Variants in RNASE11 observed in about 807,000 individuals in gnomAD.
RNASE11 encodes the protein putative inactive ribonuclease 11.
For missense variants in RNASE11, 252 were observed against 237.8 expected (o/e 1.06, Z -0.39); for synonymous variants, 105 against 86.1 (o/e 1.22, Z -1.21).
chr14:20,584,420 A>T (rs1884388960), exon 2 of RNASE11: 1 of 1,613,022 alleles, frequency 6.2e-7, no homozygotes, highest in South Asian at 1.1e-5. Context: ...GTGCTTTCTG[A>T]TGCTTCTGCA....
exon 2 of RNASE11, chr14:20,583,704 A>T: frequency 1.7e-6 from 1 of 587,342 alleles, no homozygotes; most frequent in South Asian, 2.7e-5. Flanking sequence ...TATCAGTCAT[A>T]ACTTTTAATT....
upstream of RNASE11, chr14:20,587,769 G>A (rs771514950): frequency 1.2e-5 from 12 of 985,474 alleles, no homozygotes; most frequent in African/African-American, 1.7e-5. Context: ...CTTCACTTAC[G>A]ATTATCCCCC....
chr14:20,590,195 T>A (rs1884537712), upstream of RNASE11: 17 of 1,540,648 alleles, frequency 1.1e-5, no homozygotes, highest in African/African-American at 1.4e-5. Flanking sequence ...CATTGCCCCA[T>A]GTCCACGGTC....
chr14:20,586,802 C>A (rs1473279044), intron 1 of RNASE11, among the ~76,000 whole-genome samples: 1 of 152,170 alleles, frequency 6.6e-6, no homozygotes, highest in Non-Finnish European at 1.5e-5. Flanking sequence ...TTCAAGTGGG[C>A]AGCATTCACA....
At chr14:20,588,600 C>G (rs1387243404), upstream of RNASE11, among the ~76,000 whole-genome samples, 1 of 152,046 alleles carries the variant, frequency 6.6e-6, no homozygotes, top group Non-Finnish European at 1.5e-5. Context: ...CAGATGCTGC[C>G]TGAGTTGTAT....
chr14:20,586,747 G>A (rs1252287698), intron 1 of RNASE11, among the ~76,000 whole-genome samples: 1 of 152,208 alleles, frequency 6.6e-6, no homozygotes, highest in Admixed American at 6.5e-5. Context: ...AGATAAACAG[G>A]AAGAAGAGCA....
upstream of RNASE11, among the ~76,000 whole-genome samples, chr14:20,589,979 A>C (rs75821197): frequency 0.018 from 2,678 of 152,344 alleles, 79 homozygotes; most frequent in African/African-American, 0.061. Context: ...TTTGCACCTC[A>C]AGTGAGTGGC....
At chr14:20,584,264 T>C in exon 2 of RNASE11, 1 of 1,614,236 alleles carries the variant, frequency 6.2e-7, no homozygotes, top group Non-Finnish European at 8.5e-7. Flanking sequence ...GTGGAAGACA[T>C]ATCATCCTTG....
chr14:20,584,012 T>A, exon 2 of RNASE11: 1 of 1,614,184 alleles, frequency 6.2e-7, no homozygotes, highest in Non-Finnish European at 8.5e-7. Flanking sequence ...CACACTGTAT[T>A]TTCCAGTTCT....
chr14:20,584,044 C>A lies in RNASE11; in HGVS notation c.431G>T (p.Gly144Val). The change falls in exon 2 of 2, where the codon GGC becomes GTC. Residue 144 changes from glycine to valine, a missense_variant. Gly to Val is a moderately radical substitution (Grantham distance 109). Coordinates refer to ENST00000553849, the Ensembl canonical transcript of RNASE11. ...TTCTAGGCTCTCACAGCAGCTTATG[C>A]CAGGATTCTGTACAAACTTGCAGCT... 6.2e-7 allele frequency: 1 copy of A among 1,614,182 alleles called. No homozygotes were observed. Among genetic ancestry groups the A allele is most frequent in the Non-Finnish European group, 8.5e-7 (1 of 1,180,026 alleles).
rs1884375249 is a variant in RNASE11 at position 20,584,099 on chromosome 14, CT to C, written c.375del (p.Glu126LysfsTer2). ...GCCCTGTGGACCCTGCGCATCACTT[CT>C]GTGGAGCTGCGGATGAAGTTATTGC... is the stretch of plus-strand genomic sequence containing the variant. On this transcript the variant is annotated frameshift_variant, in exon 2 of 2. Coordinates refer to ENST00000553849, the Ensembl canonical transcript of RNASE11. LOFTEE classifies it low-confidence loss of function (END_TRUNC). 1 of 1,614,082 alleles carries C rather than the reference CT, an allele frequency of 6.2e-7. No individual in the cohort carries two copies. Among genetic ancestry groups the C allele is most frequent in the Non-Finnish European group, 8.5e-7 (1 of 1,180,040 alleles).
chr14:20,583,961 G>C, exon 2 of RNASE11: 1 of 1,614,108 alleles, frequency 6.2e-7, no homozygotes, highest in Non-Finnish European at 8.5e-7. Context: ...GTAACACTAT[G>C]GTATTGGCAC....
chr14:20,584,576 G>GTCA, intron 1 of RNASE11, 80 bp from the exon 3 acceptor site: 4 of 1,203,560 alleles, frequency 3.3e-6, no homozygotes, highest in Non-Finnish European at 4.5e-6. Context: ...AGTTATTCCT[G>GTCA]GTAGGGACCC....
intron 1 of RNASE11, among the ~76,000 whole-genome samples, chr14:20,585,490 T>C (rs1884416481): frequency 6.6e-6 from 1 of 152,240 alleles, no homozygotes; most frequent in African/African-American, 2.4e-5. Flanking sequence ...TTTATACTTT[T>C]ATTCATATAG....
chr14:20,587,902 T>G, upstream of RNASE11: 1 of 940,948 alleles, frequency 1.1e-6, no homozygotes, highest in Non-Finnish European at 1.3e-6. Context: ...AAATGAGCAA[T>G]GAACAGCTGA....
chr14:20,584,146 G>C (rs146956310), exon 2 of RNASE11: 1 of 1,614,066 alleles, frequency 6.2e-7, no homozygotes, highest in African/African-American at 1.3e-5. Flanking sequence ...CGATCCGTTT[G>C]CTTCTGAAAC....
exon 2 of RNASE11, chr14:20,584,287 C>G: frequency 6.2e-7 from 1 of 1,614,158 alleles, no homozygotes; most frequent in Non-Finnish European, 8.5e-7. Flanking sequence ...CATGCTGAGG[C>G]TGGTATTTTT....
chr14:20,587,731 T>C (rs1884466044), upstream of RNASE11: 1 of 985,206 alleles, frequency 1.0e-6, no homozygotes, highest in Non-Finnish European at 1.2e-6. Context: ...TGAGTAAGCG[T>C]TGCCTACTCA....
chr14:20,588,989 G>C (rs1195311537), upstream of RNASE11, among the ~76,000 whole-genome samples: 1 of 152,006 alleles, frequency 6.6e-6, no homozygotes, highest in Non-Finnish European at 1.5e-5. Context: ...GTTTCACCAT[G>C]TTGGCCAGGC....
Sources: gnomAD v4.1 joint callset for allele counts (sites outside exome capture counted in the v4.1 genomes callset) on GRCh38, gnomAD v4.1.1 for gene constraint, MANE v1.5 for transcripts, NCBI Gene and HGNC (gene_info 2026-07-23, HGNC 2026-07-21) for gene names.